Variants in STK17A observed in about 807,000 individuals in gnomAD.
STK17A encodes the protein serine/threonine kinase 17a, also known as serine/threonine-protein kinase 17A.
In STK17A, 26 loss-of-function variants were observed where a neutral mutation model predicts 43.7. The ratio of observed to expected loss-of-function variants is 0.60; its 90% CI spans 0.44 to 0.83. The LOEUF (loss-of-function observed/expected upper bound fraction) is 0.83. STK17A is among the 40% of genes least tolerant of loss of function. The probability of loss-of-function intolerance (pLI) is 0.00; values close to 1 mark genes in which losing one functional copy is unlikely to be tolerated. For missense variants in STK17A, 476 were observed against 511.6 expected, an observed-to-expected ratio of 0.93 and a Z score of 0.67; for synonymous variants, 191 against 182.5, an observed-to-expected ratio of 1.05 and a Z score of -0.38.
At position 43,596,050 on chromosome 7, in the gene STK17A, C is replaced by T; in HGVS notation, c.356C>T (p.Pro119Leu). 6.2e-7 allele frequency: 1 copy of T among 1,613,660 alleles called. No individual in the cohort carries two copies. The highest frequency in any genetic ancestry group is 8.5e-7 in the Non-Finnish European group (1 of 1,179,846). The change falls in exon 2 of 7, where the codon CCT (proline) becomes CTT (leucine). Residue 119 changes from proline to leucine, a missense_variant. By Grantham distance (98) the Pro-to-Leu change is moderately conservative (BLOSUM62 -3). Transcript: ENST00000319357. ...IAVLELAQDNPWVINLHEVYE... is the reference protein window; with the variant it reads ...IAVLELAQDNLWVINLHEVYE... Reference sequence around the variant, plus strand: ...GTACTTGAACTAGCACAAGACAATCCTTGGGTCATTAATTTACATGAAGTT... The same window carrying T: ...GTACTTGAACTAGCACAAGACAATCTTTGGGTCATTAATTTACATGAAGTT...
At chr7:43,596,900 G>GC (rs1218858439) in intron 2 of STK17A, among the ~76,000 whole-genome samples, 2 of 150,282 alleles carry the variant, frequency 1.3e-5, no homozygotes, top group African/African-American at 4.9e-5. Context: ...TAATACTCAT[G>GC]CCTGTAATCC....
At chr7:43,593,601 T>C (rs1209065399) in intron 1 of STK17A, among the ~76,000 whole-genome samples, 6 of 152,198 alleles carry the variant, frequency 3.9e-5, no homozygotes, top group Admixed American at 3.3e-4. Flanking sequence ...CAGTACCTCA[T>C]TGTGATTTTA....
intron 4 of STK17A, among the ~76,000 whole-genome samples, chr7:43,620,145 A>G (rs137978362): frequency 1.2e-3 from 180 of 152,314 alleles, no homozygotes; most frequent in African/African-American, 4.2e-3. Flanking sequence ...GGTTGGATCC[A>G]TGGTTGAGTG....
At position 43,611,648 on chromosome 7, in the gene STK17A, G is replaced by A. The variant is rs368451331; in HGVS notation, c.564+3248G>A. Among the ~76,000 whole-genome samples, 4 of 152,130 alleles carry A rather than the reference G, an allele frequency of 2.6e-5. No individual in the cohort carries two copies. The East Asian group carries it at 5.8e-4, about 22-fold the overall frequency. ...CATTTACAAGGAAGATATGGCCTCC[G>A]CAGTACGGACTTTCACTGGGCTAAT... On this transcript the variant is annotated intron_variant, in intron 3 of 6. Coordinates refer to ENST00000319357, the MANE Select transcript of STK17A (RefSeq NM_004760.3).
intron 3 of STK17A, among the ~76,000 whole-genome samples, chr7:43,617,425 A>G (rs192086712): frequency 1.6e-3 from 249 of 152,374 alleles, no homozygotes; most frequent in African/African-American, 5.8e-3. Flanking sequence ...GGCAAAGTCT[A>G]GAAATGCTTG....
intron 2 of STK17A, among the ~76,000 whole-genome samples, chr7:43,604,304 T>C (rs1001662727): frequency 6.6e-6 from 1 of 152,190 alleles, no homozygotes; most frequent in African/African-American, 2.4e-5. Context: ...CTTTTATCCA[T>C]ATACTGTGCT....
intron 4 of STK17A, chr7:43,622,899 CATT>C (rs886886797): frequency 1.3e-5 from 2 of 152,382 alleles, no homozygotes; most frequent in African/African-American, 2.4e-5. Flanking sequence ...GACAGAGTCT[CATT>C]ATGTTGCCCA....
intron 2 of STK17A, among the ~76,000 whole-genome samples, chr7:43,597,304 A>C (rs2082522988): frequency 7.0e-6 from 1 of 142,670 alleles, no homozygotes; most frequent in Non-Finnish European, 1.6e-5. Flanking sequence ...TGAAAATATA[A>C]TTATGGAAAA....
At chr7:43,607,616 T>TC (rs901724705) in intron 2 of STK17A, among the ~76,000 whole-genome samples, 1 of 120,556 alleles carries the variant, frequency 8.3e-6, no homozygotes. Context: ...GCCACTGCAC[T>TC]CCGGCCTGGT....
At chr7:43,602,815 C>G (rs4724232) in intron 2 of STK17A, among the ~76,000 whole-genome samples, 17,998 of 152,148 alleles carry the variant, frequency 0.12, 1,147 homozygotes, top group Admixed American at 0.2. Context: ...ACCTCTGCCC[C>G]TTTCTTAAGC....
chr7:43,589,613 G>A (rs1435640135), intron 1 of STK17A, among the ~76,000 whole-genome samples: 2 of 152,040 alleles, frequency 1.3e-5, no homozygotes, highest in Admixed American at 6.6e-5. Flanking sequence ...ACTATAACTG[G>A]TACCACATTT....
intron 1 of STK17A, among the ~76,000 whole-genome samples, chr7:43,585,889 C>T (rs547760633): frequency 6.6e-6 from 1 of 151,634 alleles, no homozygotes; most frequent in African/African-American, 2.4e-5. Flanking sequence ...CAAAAAATGC[C>T]TCTATGTCTG....
intron 2 of STK17A, among the ~76,000 whole-genome samples, chr7:43,599,202 C>T (rs986316628): frequency 2.0e-5 from 3 of 152,126 alleles, no homozygotes; most frequent in African/African-American, 7.2e-5. Flanking sequence ...GAAAATAATG[C>T]GAAGATGAAA....
chr7:43,621,846 TCTC>T (rs2083924233), intron 4 of STK17A, among the ~76,000 whole-genome samples: 1 of 144,554 alleles, frequency 6.9e-6, no homozygotes. Flanking sequence ...ACAAAGGGAC[TCTC>T]CTCTTTTTCC....
chr7:43,621,411 T>C (rs1374192896), intron 4 of STK17A, among the ~76,000 whole-genome samples: 1 of 152,200 alleles, frequency 6.6e-6, no homozygotes, highest in Non-Finnish European at 1.5e-5. Context: ...AGAATGTAGG[T>C]CTGTGAGCTG....
intron 1 of STK17A, among the ~76,000 whole-genome samples, chr7:43,594,570 A>G (rs56014924): frequency 0.11 from 16,680 of 152,232 alleles, 1,044 homozygotes; most frequent in Admixed American, 0.19. Flanking sequence ...ATGATTTCTA[A>G]GTTGTCTTTC....
intron 3 of STK17A, among the ~76,000 whole-genome samples, chr7:43,610,219 T>G (rs948136139): frequency 6.6e-6 from 1 of 151,690 alleles, no homozygotes; most frequent in East Asian, 1.9e-4. Context: ...TGGTGGTGGG[T>G]GCCTGTAGTC....
chr7:43,600,764 A>G lies in STK17A; in HGVS notation c.419+4651A>G, dbSNP rs1446915295. On this transcript the variant is annotated intron_variant, in intron 2 of 6. Transcript: ENST00000319357. ...TTTAGAAAAAATTTTTTGATGGTAC[A>G]TAATGGGGTCTCACTATGTTGACCA... Among the ~76,000 whole-genome samples, 4 of 152,194 alleles carry G rather than the reference A, an allele frequency of 2.6e-5. No homozygotes were observed. In the East Asian group the frequency reaches 7.7e-4, roughly 29 times the overall value.
Position 43,608,246 on chromosome 7 carries a change from C to T in STK17A, c.420-10C>T. 6.2e-7 allele frequency: 1 copy of T among 1,600,044 alleles called. No homozygotes were observed. Among genetic ancestry groups the T allele is most frequent in the Non-Finnish European group, 8.5e-7 (1 of 1,176,132 alleles). On this transcript the variant is annotated splice_polypyrimidine_tract_variant and intron_variant, in intron 2 of 6. Transcript: ENST00000319357. Reference sequence around the variant, plus strand: ...GAGTTATATATTACTTTAATTTTGCCCTTCTCTAGTGCTGCTGGGGGTGAA... The same window carrying T: ...GAGTTATATATTACTTTAATTTTGCTCTTCTCTAGTGCTGCTGGGGGTGAA...
Sources: allele counts gnomAD v4.1 joint callset (sites outside exome capture counted in the v4.1 genomes callset), GRCh38; gene constraint gnomAD v4.1.1; transcripts MANE v1.5; gene names NCBI Gene and HGNC (gene_info 2026-07-23, HGNC 2026-07-21).